Variants in PDK1 observed in about 807,000 individuals in gnomAD.
PDK1 encodes [Pyruvate dehydrogenase (acetyl-transferring)] kinase isozyme 1, mitochondrial.
A neutral mutation model predicts 54.2 loss-of-function variants in PDK1; 39 were observed. The ratio of observed to expected loss-of-function variants is 0.72; its 90% CI spans 0.56 to 0.94. PDK1 has a LOEUF of 0.94. Ranked by LOEUF, PDK1 falls within the 40% of genes least tolerant of loss-of-function variation. The pLI, the probability that PDK1 is intolerant of heterozygous loss-of-function variation, is 0.00. For synonymous variants in PDK1, 221 were observed against 207.1 expected, an observed-to-expected ratio of 1.07 and a Z score of -0.58; for missense variants, 552 against 566.0, an observed-to-expected ratio of 0.98 and a Z score of 0.25.
At chr2:172,609,804 A>G (rs1691404453), downstream of PDK1, among the ~76,000 whole-genome samples, 1 of 152,162 alleles carries the variant, frequency 6.6e-6, no homozygotes, top group African/African-American at 2.4e-5. Flanking sequence ...CAACTACAGA[A>G]AAAGCACTCA....
At position 172,602,701 on chromosome 2, in the gene PDK1, A is replaced by T. The variant is rs1213233710; in HGVS notation, c.*6732A>T. 2 of 152,220 alleles carry T rather than the reference A, an allele frequency of 1.3e-5. No homozygotes were observed. The highest frequency in any genetic ancestry group is 4.8e-5 in the African/African-American group (2 of 41,452). The allele number at this position is 152,220 out of a possible 1,614,324, so 9.4% of individuals were successfully genotyped here. On this transcript the variant is annotated 3_prime_UTR_variant, in exon 11 of 11. Transcript: ENST00000282077. ...ATATTTTGGAGCATAGAGGAAAGAA[A>T]CATCTTATGTTTCTGTGTTTGGGTA...
At position 172,556,096 on chromosome 2, in the gene PDK1, C is replaced by T; in HGVS notation, c.-55C>T. 1.6e-6 allele frequency: 2 copies of T among 1,284,360 alleles called. No individual in the cohort carries two copies. The highest frequency in any genetic ancestry group is 2.0e-6 in the Non-Finnish European group (2 of 998,292). The allele number at this position is 1,284,360 out of a possible 1,614,324, so 79.6% of individuals were successfully genotyped here. On this transcript the variant is annotated 5_prime_UTR_variant, in exon 1 of 11. Coordinates refer to ENST00000282077, the MANE Select transcript of PDK1 (RefSeq NM_002610.5). ...GCCACGTCCCTCACGTACCACTCGGCAGAGGCGCGGGGAAACCTGGCGTAC... is the reference window on the plus strand; with the variant it reads ...GCCACGTCCCTCACGTACCACTCGGTAGAGGCGCGGGGAAACCTGGCGTAC...
intron 8 of PDK1, 41 bp from the exon 9 acceptor site, chr2:172,586,237 T>G: frequency 8.2e-7 from 1 of 1,223,278 alleles, no homozygotes; most frequent in Non-Finnish European, 1.2e-6. Context: ...TTTGCTGTTT[T>G]GAGGATTTGG....
chr2:172,622,464 A>G, the PDK1 span, among the ~76,000 whole-genome samples: 1 of 147,918 alleles, frequency 6.8e-6, no homozygotes, highest in African/African-American at 2.4e-5. Context: ...TGAGATGTTT[A>G]TATCTCATAT....
chr2:172,662,282 T>G, the PDK1 span, among the ~76,000 whole-genome samples: 6 of 152,214 alleles, frequency 3.9e-5, no homozygotes, highest in Non-Finnish European at 5.9e-5. Context: ...CAATTCACTC[T>G]AAAAATTCAG....
the PDK1 span, among the ~76,000 whole-genome samples, chr2:172,668,840 T>C: frequency 2.0e-5 from 3 of 146,366 alleles, no homozygotes; most frequent in Admixed American, 2.1e-4. Flanking sequence ...TATGTATGTA[T>C]ATACACACAC....
intron 5 of PDK1, among the ~76,000 whole-genome samples, chr2:172,565,979 C>G (rs10930562): frequency 1.3e-5 from 2 of 152,048 alleles, no homozygotes; most frequent in Non-Finnish European, 2.9e-5. Context: ...CTTAAATACA[C>G]GCTCACTTTT....
At chr2:172,653,828 T>C in the PDK1 span, among the ~76,000 whole-genome samples, 2 of 151,824 alleles carry the variant, frequency 1.3e-5, no homozygotes, top group East Asian at 3.9e-4. Context: ...ACCATCAGAG[T>C]GAACAGGCAA....
At chr2:172,617,773 G>A in the PDK1 span, among the ~76,000 whole-genome samples, 1 of 152,060 alleles carries the variant, frequency 6.6e-6, no homozygotes, top group African/African-American at 2.4e-5. Flanking sequence ...CTGAACCTCT[G>A]AACTTTTTTA....
At chr2:172,622,701 C>A in the PDK1 span, among the ~76,000 whole-genome samples, 1 of 144,034 alleles carries the variant, frequency 6.9e-6, no homozygotes, top group Non-Finnish European at 1.5e-5. Context: ...ATGTTTATAT[C>A]TCATATATTA....
At chr2:172,722,515 AT>A in the PDK1 span, among the ~76,000 whole-genome samples, 1 of 152,156 alleles carries the variant, frequency 6.6e-6, no homozygotes, top group Admixed American at 6.6e-5. Flanking sequence ...AGAAAAATAT[AT>A]TTTCCAAGGG....
chr2:172,694,667 C>T, the PDK1 span, among the ~76,000 whole-genome samples: 1 of 152,288 alleles, frequency 6.6e-6, no homozygotes, highest in South Asian at 2.1e-4. Context: ...CACCTTGCAC[C>T]GTGAACTGCA....
At chr2:172,646,247 TA>T in the PDK1 span, among the ~76,000 whole-genome samples, 3 of 152,086 alleles carry the variant, frequency 2.0e-5, no homozygotes, top group African/African-American at 7.3e-5. Context: ...ACAACTTAAT[TA>T]ACATATTTGC....
intron 9 of PDK1, among the ~76,000 whole-genome samples, chr2:172,589,201 C>T (rs758155365): frequency 1.3e-5 from 2 of 152,208 alleles, no homozygotes; most frequent in Non-Finnish European, 2.9e-5. Context: ...ATACAGTTTT[C>T]TTCGGGCCAC....
At position 172,596,469 on chromosome 2, in the gene PDK1, G is replaced by A. The variant is rs1240187570; in HGVS notation, c.*500G>A. ...AAGTAAAGCAGAAAACAGTTGGCCT[G>A]TAATCACAGAACCAGCCACCCTTCG... is the stretch of plus-strand genomic sequence containing the variant. On this transcript the variant is annotated 3_prime_UTR_variant, in exon 11 of 11. Transcript: ENST00000282077. 6.5e-6 allele frequency: 1 copy of A among 152,788 alleles called. No homozygotes were observed. The highest frequency in any genetic ancestry group is 1.5e-5 in the Non-Finnish European group (1 of 68,438). 9.5% of individuals were successfully genotyped at this position (152,788 alleles called of 1,614,324 possible). A position where few individuals can be genotyped will look rare whatever the true frequency, so the allele number is the denominator to read the frequency against.
the PDK1 span, among the ~76,000 whole-genome samples, chr2:172,715,438 T>C: frequency 6.6e-6 from 1 of 152,210 alleles, no homozygotes; most frequent in African/African-American, 2.4e-5. Context: ...CAAATTCCAG[T>C]TTGAAGACCA....
chr2:172,645,647 C>T, the PDK1 span, among the ~76,000 whole-genome samples: 1 of 152,104 alleles, frequency 6.6e-6, no homozygotes, highest in Non-Finnish European at 1.5e-5. Context: ...GATGGTTGTG[C>T]CTATGGTGCT....
the PDK1 span, among the ~76,000 whole-genome samples, chr2:172,666,151 T>C: frequency 6.6e-6 from 1 of 152,214 alleles, no homozygotes; most frequent in African/African-American, 2.4e-5. Flanking sequence ...TACTGAGGCA[T>C]TTCCTCCTTT....
chr2:172,582,122 A>T (rs1056199997), intron 8 of PDK1, among the ~76,000 whole-genome samples: 1 of 152,136 alleles, frequency 6.6e-6, no homozygotes, highest in Non-Finnish European at 1.5e-5. Context: ...CATGTTGGCC[A>T]GGCTGGTCTT....
Sources: gnomAD v4.1 joint callset for allele counts (sites outside exome capture counted in the v4.1 genomes callset) on GRCh38, gnomAD v4.1.1 for gene constraint, MANE v1.5 for transcripts, NCBI Gene and HGNC (gene_info 2026-07-23, HGNC 2026-07-21) for gene names.